Variants in MYO16 observed in about 807,000 individuals in gnomAD.
MYO16 encodes the protein unconventional myosin-XVI.
In MYO16, 94 loss-of-function variants were observed where a neutral mutation model predicts 205.3. The observed-to-expected ratio is 0.46, with a 90% confidence interval of 0.39 to 0.54. MYO16 has a LOEUF of 0.54. Ranked by LOEUF, MYO16 falls within the 20% of genes least tolerant of loss-of-function variation. The pLI is 0.00. For synonymous variants in MYO16, 988 were observed against 954.0 expected (o/e 1.04, Z -0.66); for missense variants, 2,315 against 2,387.5 (o/e 0.97, Z 0.63).
chr13:108,990,307 T>C (rs1405131232), intron 20 of MYO16, among the ~76,000 whole-genome samples: 9 of 152,184 alleles, frequency 5.9e-5, no homozygotes, highest in Non-Finnish European at 1.0e-4. Context: ...GATGCATGGA[T>C]GCTGGATGGT....
chr13:109,071,180 A>C (rs906538491), intron 27 of MYO16, among the ~76,000 whole-genome samples: 1 of 152,188 alleles, frequency 6.6e-6, no homozygotes, highest in Non-Finnish European at 1.5e-5. Context: ...AAGAATGAAA[A>C]GGATGATGAC....
chr13:108,687,266 CA>C (rs1341853827), intron 2 of MYO16, among the ~76,000 whole-genome samples: 2 of 152,144 alleles, frequency 1.3e-5, no homozygotes, highest in Non-Finnish European at 2.9e-5. Flanking sequence ...GTCTTCTCGC[CA>C]GGGGTTTGAT....
intron 16 of MYO16, among the ~76,000 whole-genome samples, chr13:108,946,728 T>G (rs559097186): frequency 6.6e-6 from 1 of 152,234 alleles, no homozygotes; most frequent in East Asian, 1.9e-4. Context: ...TATGGATCTA[T>G]ACAGAGATAG....
chr13:108,924,521 C>T lies in MYO16; in HGVS notation c.1925+14371C>T, dbSNP rs376534375. ...TCAATAGGAAGAAATGATCATTATT[C>T]AAGTCAGGTACTTGAATACATGATT... On this transcript the variant is annotated intron_variant, in intron 16 of 34. Coordinates refer to ENST00000457511, the MANE Select transcript of MYO16 (RefSeq NM_001198950.3). Among the ~76,000 whole-genome samples the T allele has an allele frequency of 6.5e-4, 99 of 152,318 alleles. 1 individual carries two copies. The South Asian group carries it at 0.019, about 29-fold the overall frequency.
intron 11 of MYO16, among the ~76,000 whole-genome samples, chr13:108,857,916 A>G (rs1878265605): frequency 6.6e-6 from 1 of 152,196 alleles, no homozygotes; most frequent in Admixed American, 6.5e-5. Context: ...TTCATATAAC[A>G]TAAATTTGCC....
intron 7 of MYO16, among the ~76,000 whole-genome samples, chr13:108,813,760 T>G (rs1215980923): frequency 2.0e-5 from 3 of 152,172 alleles, no homozygotes; most frequent in Non-Finnish European, 4.4e-5. Context: ...CTTTGCTGAT[T>G]ATGAAATTCT....
intron 1 of MYO16, among the ~76,000 whole-genome samples, chr13:108,610,295 T>G (rs902133575): frequency 6.6e-6 from 1 of 152,168 alleles, no homozygotes; most frequent in Non-Finnish European, 1.5e-5. Context: ...CGTCGATGCC[T>G]TTCCATGAAA....
chr13:108,758,749 T>A, intron 4 of MYO16, among the ~76,000 whole-genome samples: 1 of 152,208 alleles, frequency 6.6e-6, no homozygotes. Context: ...ACGATGTTCA[T>A]ACACATTTAA....
At position 108,735,591 on chromosome 13, in the gene MYO16, T is replaced by C. The variant is rs865774995; in HGVS notation, c.507+8008T>C. On this transcript the variant is annotated intron_variant, in intron 4 of 34. Transcript: ENST00000457511. Reference sequence around the variant, plus strand: ...AAGTCTTTGCTATTGTGAATAGTGCTGCAATAAACATACGTGTGCATGTGT... The same window carrying C: ...AAGTCTTTGCTATTGTGAATAGTGCCGCAATAAACATACGTGTGCATGTGT... 7.9e-5 allele frequency among the ~76,000 whole-genome samples: 12 copies of C among 151,012 alleles called. No homozygotes were observed. In the South Asian group the frequency reaches 1.5e-3, roughly 19 times the overall value.
the MYO16 span, among the ~76,000 whole-genome samples, chr13:108,541,390 A>G: frequency 4.6e-5 from 7 of 150,966 alleles, no homozygotes; most frequent in Non-Finnish European, 8.9e-5. Context: ...TTATATATAC[A>G]TTAATTTTTG....
At chr13:108,796,999 T>C (rs1278388178) in intron 6 of MYO16, among the ~76,000 whole-genome samples, 1 of 152,104 alleles carries the variant, frequency 6.6e-6, no homozygotes, top group Non-Finnish European at 1.5e-5. Flanking sequence ...AGAGTTTGTT[T>C]AGGAGGCTTT....
the MYO16 span, among the ~76,000 whole-genome samples, chr13:108,557,502 A>G: frequency 1.3e-5 from 2 of 152,196 alleles, no homozygotes; most frequent in East Asian, 3.9e-4. Context: ...AAGTTTCACA[A>G]AACAATATTT....
At chr13:108,963,687 A>C (rs1594430235) in intron 19 of MYO16, among the ~76,000 whole-genome samples, 1 of 152,170 alleles carries the variant, frequency 6.6e-6, no homozygotes, top group Non-Finnish European at 1.5e-5. Context: ...CCCCACTGGC[A>C]CCCTTGCCTC....
At chr13:108,741,983 C>G (rs377275511) in intron 4 of MYO16, among the ~76,000 whole-genome samples, 1 of 152,094 alleles carries the variant, frequency 6.6e-6, no homozygotes, top group East Asian at 1.9e-4. Context: ...AACTTATAAT[C>G]CTTATTGTTT....
intron 12 of MYO16, 36 bp from the exon 13 acceptor site, chr13:108,883,023 C>T (rs1487743847): frequency 6.2e-7 from 1 of 1,608,494 alleles, no homozygotes; most frequent in South Asian, 1.1e-5. Context: ...CGCCTTTTCA[C>T]TGAGGTTTTC....
chr13:109,164,955 T>C lies in MYO16; in HGVS notation c.5219T>C (p.Ile1740Thr). ...SSRDDPSTSE[I>T]TSETQDRNAN... ...CGAGATGACCCTAGTACGTCAGAAA[T>C]TACTTCCGAGACTCAAGACAGAAAT... Residue 1740 changes from isoleucine to threonine, a missense_variant, in exon 33 of 35, where the codon ATT becomes ACT. By Grantham distance (89) the Ile-to-Thr change is moderately conservative. Around this residue, in one of 3 missense-constraint regions of MYO16, gnomAD observed 1,097 missense variants for 1,092.0 expected, o/e 1.00. Transcript: ENST00000457511. The C allele has an allele frequency of 6.2e-7, 1 of 1,609,434 alleles. No individual in the cohort carries two copies. The highest frequency in any genetic ancestry group is 8.5e-7 in the Non-Finnish European group (1 of 1,177,422).
In MYO16 at chr13:108,961,167, G is replaced by A. The variant is rs113417511; in HGVS notation, c.2038-372G>A. ...AAATAGCGTCCAACGTGAGCCTGGA[G>A]AGGAGGGGGAGTGAAGTCTAACCTT... On this transcript the variant is annotated intron_variant, in intron 17 of 34. Transcript: ENST00000457511. 4.2e-3 allele frequency among the ~76,000 whole-genome samples: 640 copies of A among 152,304 alleles called. 2 individuals carry two copies. The highest frequency in any genetic ancestry group is 0.012 in the African/African-American group (489 of 41,558).
chr13:108,984,365 A>T (rs1320337842), intron 20 of MYO16, among the ~76,000 whole-genome samples: 1 of 152,190 alleles, frequency 6.6e-6, no homozygotes, highest in Non-Finnish European at 1.5e-5. Flanking sequence ...GAGAAGCACT[A>T]GAACTCCATG....
chr13:108,499,636 G>A, the MYO16 span, among the ~76,000 whole-genome samples: 8 of 152,154 alleles, frequency 5.3e-5, no homozygotes, highest in Non-Finnish European at 1.0e-4. Context: ...AATAAACCAG[G>A]CCATTAATTC....
Sources: allele counts gnomAD v4.1 joint callset (sites outside exome capture counted in the v4.1 genomes callset), GRCh38; gene constraint gnomAD v4.1.1; regional missense constraint gnomAD v4.1.1; transcripts MANE v1.5; gene names NCBI Gene and HGNC (gene_info 2026-07-23, HGNC 2026-07-21).